Variants in DDAH1 observed in about 807,000 individuals in gnomAD.
DDAH1 encodes the protein dimethylarginine dimethylaminohydrolase 1.
In DDAH1, 19 loss-of-function variants were observed where a neutral mutation model predicts 28.8. That is an observed-to-expected ratio of 0.66 (90% CI 0.46 to 0.97). DDAH1 has a LOEUF of 0.97. Among genes scored for constraint, DDAH1 ranks in the 50% least tolerant of loss-of-function variants. The pLI is 0.00. For missense variants in DDAH1, 326 were observed against 375.9 expected, an observed-to-expected ratio of 0.87 and a Z score of 1.10; for synonymous variants, 153 against 154.4, an observed-to-expected ratio of 0.99 and a Z score of 0.07.
At chr1:85,467,759 C>T (rs1655435716), upstream of DDAH1, 1 of 152,124 alleles carries the variant, frequency 6.6e-6, no homozygotes, top group African/African-American at 2.4e-5. Flanking sequence ...GTTCATTTTT[C>T]CCATGAATAT....
chr1:85,570,991 T>C (rs1463833854), intron 1 of DDAH1, among the ~76,000 whole-genome samples: 2 of 152,230 alleles, frequency 1.3e-5, no homozygotes, highest in Non-Finnish European at 2.9e-5. Context: ...CAGACAGGCC[T>C]GGATTAGAAT....
At chr1:85,441,410 A>G (rs929200900) in intron 1 of DDAH1, among the ~76,000 whole-genome samples, 1 of 152,120 alleles carries the variant, frequency 6.6e-6, no homozygotes, top group Non-Finnish European at 1.5e-5. Flanking sequence ...GCGTGGTGGC[A>G]TGCGCCTGTA....
At chr1:85,566,104 C>CA (rs1659291413) in intron 1 of DDAH1, among the ~76,000 whole-genome samples, 1 of 146,250 alleles carries the variant, frequency 6.8e-6, no homozygotes, top group Non-Finnish European at 1.5e-5. Context: ...AACCAAAAAA[C>CA]AAAAAACCAA....
chr1:85,424,330 T>A (rs901153310), intron 1 of DDAH1, among the ~76,000 whole-genome samples: 17 of 152,108 alleles, frequency 1.1e-4, no homozygotes, highest in Admixed American at 1.0e-3. Context: ...TAAGGTAAAC[T>A]TGAGCCTGGT....
At chr1:85,565,898 T>C (rs146344473) in intron 1 of DDAH1, among the ~76,000 whole-genome samples, 1,928 of 152,088 alleles carry the variant, frequency 0.013, 42 homozygotes, top group African/African-American at 0.044. Context: ...CTGGCCAACA[T>C]GGCAAAACCC....
chr1:85,474,799 A>G (rs2100707825), intron 2 of DDAH1, among the ~76,000 whole-genome samples: 1 of 152,264 alleles, frequency 6.6e-6, no homozygotes, highest in African/African-American at 2.4e-5. Flanking sequence ...CAGTTCCTAT[A>G]AAATAAGAAA....
Position 85,321,400 on chromosome 1 carries a change from T to A in DDAH1, c.*52A>T. 1 of 1,126,604 alleles carries A rather than the reference T, an allele frequency of 8.9e-7. No homozygotes were observed. The highest frequency in any genetic ancestry group is 1.2e-5 in the South Asian group (1 of 80,866). 69.8% of individuals were successfully genotyped at this position (1,126,604 alleles called of 1,614,324 possible). A position where few individuals can be genotyped will look rare whatever the true frequency, so the allele number is the denominator to read the frequency against. ...GAAAACAACAGGAGTGGGCACAGAG[T>A]CATCGGCCTTGCCTGTGCGGTCTTG... On this transcript the variant is annotated 3_prime_UTR_variant, in exon 6 of 6. Transcript: ENST00000284031.
chr1:85,556,915 T>C (rs1451114126), intron 1 of DDAH1, among the ~76,000 whole-genome samples: 1 of 152,238 alleles, frequency 6.6e-6, no homozygotes, highest in Admixed American at 6.5e-5. Context: ...TCAGGAGTTC[T>C]AGAACAGCCT....
chr1:85,393,687 C>T (rs946676849), intron 1 of DDAH1, among the ~76,000 whole-genome samples: 4 of 152,152 alleles, frequency 2.6e-5, no homozygotes, highest in African/African-American at 9.7e-5. Context: ...ACTTTTCCTG[C>T]CCATCTTGTC....
At chr1:85,517,902 T>C (rs1434101356) in intron 1 of DDAH1, among the ~76,000 whole-genome samples, 1 of 152,176 alleles carries the variant, frequency 6.6e-6, no homozygotes, top group East Asian at 1.9e-4. Context: ...GCTACATTAA[T>C]TTTTTAAAAT....
At chr1:85,471,399 T>A (rs571970374) in intron 2 of DDAH1, among the ~76,000 whole-genome samples, 1 of 152,360 alleles carries the variant, frequency 6.6e-6, no homozygotes, top group African/African-American at 2.4e-5. Context: ...TCTTCAGAAT[T>A]CTTTAAGTAT....
chr1:85,508,539 A>G (rs1657108409), intron 1 of DDAH1, among the ~76,000 whole-genome samples: 1 of 152,218 alleles, frequency 6.6e-6, no homozygotes, highest in Admixed American at 6.5e-5. Context: ...GAGAAGTGCA[A>G]GGGGCTGGGA....
intron 1 of DDAH1, among the ~76,000 whole-genome samples, chr1:85,558,033 G>C (rs564371031): frequency 7.2e-5 from 11 of 151,816 alleles, no homozygotes; most frequent in African/African-American, 2.7e-4. Context: ...TAAAACAGGA[G>C]ACAAAGAAAA....
intron 1 of DDAH1, among the ~76,000 whole-genome samples, chr1:85,509,057 A>G (rs780367994): frequency 3.3e-5 from 5 of 152,242 alleles, no homozygotes; most frequent in Non-Finnish European, 7.3e-5. Context: ...ACTGGGAGAC[A>G]TCTCCTAGTA....
intron 1 of DDAH1, among the ~76,000 whole-genome samples, chr1:85,393,180 T>G (rs1651641053): frequency 6.6e-6 from 1 of 152,244 alleles, no homozygotes; most frequent in South Asian, 2.1e-4. Context: ...CTTATAGCAT[T>G]GTTCTGTACA....
chr1:85,327,197 G>A (rs890500835), intron 4 of DDAH1, among the ~76,000 whole-genome samples: 2 of 152,104 alleles, frequency 1.3e-5, no homozygotes, highest in African/African-American at 4.8e-5. Context: ...AAATTAGCTG[G>A]GTGTGGTGGC....
At chr1:85,577,185 C>T (rs1294909295) in intron 1 of DDAH1, among the ~76,000 whole-genome samples, 2 of 152,088 alleles carry the variant, frequency 1.3e-5, no homozygotes, top group East Asian at 3.9e-4. Context: ...CCCGCACCCT[C>T]TCGCGGTGCG....
At chr1:85,357,618 C>T (rs916534902) in intron 2 of DDAH1, among the ~76,000 whole-genome samples, 4 of 152,192 alleles carry the variant, frequency 2.6e-5, no homozygotes, top group Admixed American at 6.5e-5. Context: ...AGAAGCTTCA[C>T]GCTTTCAGTG....
At chr1:85,365,707 G>T (rs906763883) in intron 1 of DDAH1, among the ~76,000 whole-genome samples, 1 of 152,076 alleles carries the variant, frequency 6.6e-6, no homozygotes, top group African/African-American at 2.4e-5. Context: ...AAGTATAGTA[G>T]GTAGAATTCT....
Sources: allele counts gnomAD v4.1 joint callset (sites outside exome capture counted in the v4.1 genomes callset), GRCh38; gene constraint gnomAD v4.1.1; transcripts MANE v1.5; gene names NCBI Gene and HGNC (gene_info 2026-07-23, HGNC 2026-07-21).